Variants in INPP4A observed in about 807,000 individuals in gnomAD.
INPP4A encodes the protein inositol polyphosphate-4-phosphatase type I A.
INPP4A carries 33 observed loss-of-function variants against 119.8 expected under a neutral mutation model. That is an observed-to-expected ratio of 0.28 (90% confidence interval 0.21 to 0.37). INPP4A has a LOEUF of 0.37. Ranked by LOEUF, INPP4A falls within the 10% of genes least tolerant of loss-of-function variation. The pLI is 1.00. For synonymous variants in INPP4A, 496 were observed against 500.7 expected (o/e 0.99, Z 0.12); for missense variants, 956 against 1,289.9 (o/e 0.74, Z 3.97).
rs768206909 is a variant in INPP4A, at chr2:98,572,829, C to T, written c.2533C>T (p.Arg845Cys). 1.4e-5 allele frequency: 22 copies of T among 1,561,874 alleles called. No individual in the cohort carries two copies. Among genetic ancestry groups the T allele is most frequent in the Non-Finnish European group, 1.9e-5 (22 of 1,153,430 alleles). ...TTCTCTTCCAGGCCTGCCTCGGTCTCGCAGTCAGACGTGCCTGCCAGAGCT... is the reference window on the plus strand; with the variant it reads ...TTCTCTTCCAGGCCTGCCTCGGTCTTGCAGTCAGACGTGCCTGCCAGAGCT... ...VLPEDCLPRS[R>C]SQTCLPELLR... Residue 845 changes from arginine (R) to cysteine (C), a missense_variant, in exon 23 of 25, where the codon CGC (arginine) becomes TGC (cysteine). By Grantham distance (180) the Arg-to-Cys change is radical. Coordinates refer to ENST00000409851, the MANE Select transcript of INPP4A (RefSeq NM_001134225.2).
intron 1 of INPP4A, among the ~76,000 whole-genome samples, chr2:98,476,600 G>A (rs765647267): frequency 2.6e-5 from 4 of 152,110 alleles, no homozygotes; most frequent in Non-Finnish European, 5.9e-5. Flanking sequence ...GAGGGGTGGC[G>A]CTCCTGGAGA....
At position 98,569,355 on chromosome 2, in the gene INPP4A, T is replaced by G. The variant is rs1697037580; in HGVS notation, c.2518+687T>G. The stretch of plus-strand genomic sequence containing the variant: ...CTTGGAGGGAAAGCTGGTCCCAGAG[T>G]GCCGGCCTCTCTGTGCAGGCGCTGC... On this transcript the variant is annotated intron_variant, in intron 22 of 24. Coordinates refer to ENST00000409851, the MANE Select transcript of INPP4A (RefSeq NM_001134225.2). The surrounding 1 kb of genome is among the most constrained non-coding windows in gnomAD (Gnocchi z 5.1). 1 of 152,330 alleles carries G rather than the reference T, an allele frequency of 6.6e-6. No homozygotes were observed. Among genetic ancestry groups the G allele is most frequent in the African/African-American group, 2.4e-5 (1 of 41,412 alleles). 9.4% of individuals were successfully genotyped at this position (152,330 alleles called of 1,614,324 possible). A position where few individuals can be genotyped will look rare whatever the true frequency, so the allele number is the denominator to read the frequency against.
At chr2:98,449,807 G>A (rs972541655) in intron 1 of INPP4A, among the ~76,000 whole-genome samples, 5 of 152,166 alleles carry the variant, frequency 3.3e-5, no homozygotes, top group Admixed American at 2.0e-4. Context: ...GAAACTGTCT[G>A]TTTCCCTTTA....
Position 98,539,565 on chromosome 2 carries a change from A to T in INPP4A, c.708A>T (p.Pro236=). The change falls in exon 10 of 25, where the codon CCA becomes CCT. Residue 236 remains proline, a synonymous_variant. Transcript: ENST00000409851. The part of the protein sequence containing the change: ...GGAICRMYRF[P]TTDGNHLRIL... Reference sequence around the variant, plus strand: ...CCATCTGCCGCATGTACCGGTTTCCAACCACTGATGGTAACCATTTGCGGA... The same window carrying T: ...CCATCTGCCGCATGTACCGGTTTCCTACCACTGATGGTAACCATTTGCGGA... 6.2e-7 allele frequency: 1 copy of T among 1,612,266 alleles called. No individual in the cohort carries two copies. The highest frequency in any genetic ancestry group is 2.2e-5 in the East Asian group (1 of 44,688).
intron 1 of INPP4A, among the ~76,000 whole-genome samples, chr2:98,460,627 A>G (rs1458866925): frequency 6.6e-6 from 1 of 152,122 alleles, no homozygotes; most frequent in East Asian, 1.9e-4. Context: ...CTGTGCTCTA[A>G]CCACCAGTTT....
In INPP4A at chr2:98,542,957, T is replaced by TC. The variant is rs767463740; in HGVS notation, c.819-920_819-919insC. 4.4e-3 allele frequency among the ~76,000 whole-genome samples: 665 copies of TC among 151,916 alleles called. 1 individual carries two copies. Among genetic ancestry groups the TC allele is most frequent in the Non-Finnish European group, 7.4e-3 (505 of 67,934 alleles). ...TTTTTTTTTTGAGATGGAGTCTCTATTGCCTAGGCTGGAGTGCAGTGGTGC... is the reference window on the plus strand; with the variant it reads ...TTTTTTTTTTGAGATGGAGTCTCTATCTGCCTAGGCTGGAGTGCAGTGGTGC... On this transcript the variant is annotated intron_variant, in intron 10 of 24. Transcript: ENST00000409851.
At chr2:98,486,428 T>C (rs1216592424) in intron 1 of INPP4A, among the ~76,000 whole-genome samples, 1 of 152,208 alleles carries the variant, frequency 6.6e-6, no homozygotes, top group African/African-American at 2.4e-5. Flanking sequence ...CTCTTGGTTA[T>C]CTTCTGAAAG....
At chr2:98,485,550 G>T (rs543254933) in intron 1 of INPP4A, among the ~76,000 whole-genome samples, 1 of 152,294 alleles carries the variant, frequency 6.6e-6, no homozygotes, top group Admixed American at 6.5e-5. Flanking sequence ...CTGGGCGCAG[G>T]TGTCTGGTTG....
In INPP4A at chr2:98,554,295, G is replaced by T. The variant is rs199795768; in HGVS notation, c.1372G>T (p.Asp458Tyr). The part of the protein sequence containing the change: ...DKTRQLVTVC[D>Y]CKLLANSIHG... ...GACACGGCAGCTGGTCACGGTCTGCGACTGCAAGCTCCTGGCCAACTCCAT... is the reference window on the plus strand; with the variant it reads ...GACACGGCAGCTGGTCACGGTCTGCTACTGCAAGCTCCTGGCCAACTCCAT... Residue 458 changes from aspartate (D) to tyrosine (Y), a missense_variant, in exon 15 of 25, where the codon GAC becomes TAC. Physicochemically the swap from Asp to Tyr is radical, Grantham distance 160. Coordinates refer to ENST00000409851, the MANE Select transcript of INPP4A (RefSeq NM_001134225.2). This position sits in a 1 kb window ranked among gnomAD's most constrained non-coding sequence, Gnocchi z 4.7. 6.8e-6 allele frequency: 11 copies of T among 1,609,222 alleles called. No homozygotes were observed. The highest frequency in any genetic ancestry group is 8.5e-6 in the Non-Finnish European group (10 of 1,178,170).
At position 98,566,531 on chromosome 2, in the gene INPP4A, T is replaced by A. The variant is rs866738517; in HGVS notation, c.2420+362T>A. Among the ~76,000 whole-genome samples the A allele has an allele frequency of 1.1e-4, 17 of 151,968 alleles. No homozygotes were observed. Among genetic ancestry groups the A allele is most frequent in the African/African-American group, 4.1e-4 (17 of 41,434 alleles). ...GGGGCTTTGAATTGTGAATAGGAGT[T>A]GGATGATGAGGTGGAGGGGAGACAT... On this transcript the variant is annotated intron_variant, in intron 21 of 24. Transcript: ENST00000409851. This position sits in a 1 kb window ranked among gnomAD's most constrained non-coding sequence, Gnocchi z 4.2.
chr2:98,464,186 G>A (rs907281849), intron 1 of INPP4A, among the ~76,000 whole-genome samples: 2 of 152,150 alleles, frequency 1.3e-5, no homozygotes, highest in African/African-American at 4.8e-5. Flanking sequence ...TGCACAGGCT[G>A]GGGAAGGTTG....
At chr2:98,516,617 T>C (rs1228108709) in intron 1 of INPP4A, among the ~76,000 whole-genome samples, 1 of 152,158 alleles carries the variant, frequency 6.6e-6, no homozygotes. Flanking sequence ...ACTAACAGGC[T>C]GAGCAGGGCA....
At chr2:98,580,033 G>A (rs1008675820) in intron 24 of INPP4A, among the ~76,000 whole-genome samples, 3 of 152,244 alleles carry the variant, frequency 2.0e-5, no homozygotes, top group Non-Finnish European at 4.4e-5. Flanking sequence ...ACGATCCCAT[G>A]AGGGGAAGAC....
intron 1 of INPP4A, among the ~76,000 whole-genome samples, chr2:98,492,819 A>G (rs1438990138): frequency 1.3e-5 from 2 of 152,214 alleles, no homozygotes; most frequent in African/African-American, 2.4e-5. Flanking sequence ...GATAGCAGCT[A>G]TGGTTTGCCA....
intron 22 of INPP4A, among the ~76,000 whole-genome samples, chr2:98,572,473 A>G (rs1288761477): frequency 6.6e-6 from 1 of 152,168 alleles, no homozygotes; most frequent in Non-Finnish European, 1.5e-5. Context: ...TTTGACGACC[A>G]GCTGGATCCC....
At chr2:98,444,598 T>C (rs1693843163), upstream of INPP4A, among the ~76,000 whole-genome samples, 1 of 152,192 alleles carries the variant, frequency 6.6e-6, no homozygotes, top group African/African-American at 2.4e-5. Flanking sequence ...CCTCAGTGGA[T>C]GACAGGGTGA....
chr2:98,539,388 G>A (rs1426677544), intron 9 of INPP4A, 140 bp from the exon 10 acceptor site: 3 of 908,658 alleles, frequency 3.3e-6, no homozygotes, highest in Non-Finnish European at 4.9e-6. Context: ...GGTTTTCGGT[G>A]TAAGCGTTTT....
At chr2:98,456,509 T>C (rs975561227) in intron 1 of INPP4A, among the ~76,000 whole-genome samples, 5 of 152,096 alleles carry the variant, frequency 3.3e-5, no homozygotes, top group Admixed American at 2.0e-4. Flanking sequence ...AATTTTTAAT[T>C]TTAATTTTTT....
chr2:98,480,122 T>C (rs1678105234), intron 1 of INPP4A, among the ~76,000 whole-genome samples: 1 of 152,172 alleles, frequency 6.6e-6, no homozygotes, highest in Admixed American at 6.5e-5. Flanking sequence ...GCTGACACCC[T>C]CCCTGCCAGC....
Sources: gnomAD v4.1 joint callset for allele counts (sites outside exome capture counted in the v4.1 genomes callset) on GRCh38, gnomAD v4.1.1 for gene constraint, Gnocchi (gnomAD v3.1) non-coding constraint, MANE v1.5 for transcripts, NCBI Gene and HGNC (gene_info 2026-07-23, HGNC 2026-07-21) for gene names.